The following CIB4 variants were observed in gnomAD, a reference collection of about 807,000 sequenced individuals.
CIB4 encodes the protein calcium and integrin binding family member 4, also known as calcium and integrin-binding family member 4.
A neutral mutation model predicts 25.8 loss-of-function variants in CIB4; 25 were observed. The observed-to-expected ratio is 0.97, with a 90% CI of 0.71 to 1.35. The LOEUF (loss-of-function observed/expected upper bound fraction) is 1.35, where lower values mean the gene tolerates loss of function less well. CIB4 is among the 40% of genes most tolerant of loss of function. The probability of loss-of-function intolerance (pLI) is 0.00; values close to 1 mark genes in which losing one functional copy is unlikely to be tolerated. For synonymous variants in CIB4, 75 were observed against 81.4 expected (o/e 0.92, Z 0.42); for missense variants, 235 against 228.2 (o/e 1.03, Z -0.19).
At chr2:26,626,134 T>C (rs1669298235) in intron 3 of CIB4, among the ~76,000 whole-genome samples, 1 of 152,234 alleles carries the variant, frequency 6.6e-6, no homozygotes, top group East Asian at 1.9e-4. Context: ...TTGGTTACTG[T>C]AGCCTTATAG....
chr2:26,582,361 G>A (rs893720320), intron 6 of CIB4, among the ~76,000 whole-genome samples: 4 of 152,204 alleles, frequency 2.6e-5, no homozygotes, highest in African/African-American at 9.6e-5. Context: ...GGACGTTTGG[G>A]CCTCAGAAGA....
At chr2:26,585,135 C>T (rs1668426508) in intron 4 of CIB4, among the ~76,000 whole-genome samples, 1 of 152,154 alleles carries the variant, frequency 6.6e-6, no homozygotes, top group South Asian at 2.1e-4. Flanking sequence ...TCAGGGCTGC[C>T]TAAATGGGTC....
At chr2:26,586,295 A>G (rs1250172967) in intron 4 of CIB4, among the ~76,000 whole-genome samples, 3 of 152,140 alleles carry the variant, frequency 2.0e-5, no homozygotes, top group Non-Finnish European at 2.9e-5. Flanking sequence ...GCCAGACACA[A>G]TCCTGCCTCA....
At chr2:26,588,985 T>TTCTTCTTCTTCTTCC (rs1668510214) in intron 4 of CIB4, among the ~76,000 whole-genome samples, 1 of 3,334 alleles carries the variant, frequency 3.0e-4, no homozygotes, top group African/African-American at 7.4e-4. Context: ...TTCTTTCTTC[T>TTCTTCTTCTTCTTCC]TCTTCTTCTT....
intron 3 of CIB4, among the ~76,000 whole-genome samples, chr2:26,614,359 C>T (rs1032727682): frequency 3.9e-5 from 6 of 152,172 alleles, no homozygotes; most frequent in Non-Finnish European, 5.9e-5. Flanking sequence ...CCAGGCCCAC[C>T]GGCCCCTTCC....
In CIB4 at chr2:26,620,775, C is replaced by T. The variant is rs188481297; in HGVS notation, c.186+8635G>A. On this transcript the variant is annotated intron_variant, in intron 3 of 6. Transcript: ENST00000288861. ...CCAGATATCTGAGGAAGGCTTCTGA[C>T]GCGCAAGCCAAGGACCCAAACAAAC... Among the ~76,000 whole-genome samples, 8 of 152,218 alleles carry T rather than the reference C, an allele frequency of 5.3e-5. No individual in the cohort carries two copies. In the East Asian group the frequency reaches 7.7e-4, roughly 15 times the overall value.
At chr2:26,614,269 T>C (rs1215587305) in intron 3 of CIB4, among the ~76,000 whole-genome samples, 1 of 152,210 alleles carries the variant, frequency 6.6e-6, no homozygotes. Flanking sequence ...ACCAGGACTC[T>C]TGAAAAGCTG....
chr2:26,597,469 C>T (rs1364361394), intron 3 of CIB4, among the ~76,000 whole-genome samples: 2 of 151,456 alleles, frequency 1.3e-5, no homozygotes, highest in Non-Finnish European at 2.9e-5. Context: ...CTCTGAATGG[C>T]TCTAGCTCAA....
intron 3 of CIB4, among the ~76,000 whole-genome samples, chr2:26,618,184 T>C (rs1669131805): frequency 6.6e-6 from 1 of 152,058 alleles, no homozygotes; most frequent in Non-Finnish European, 1.5e-5. Flanking sequence ...ACAGGCAGAT[T>C]CTAACACCCT....
intron 2 of CIB4, among the ~76,000 whole-genome samples, chr2:26,639,198 T>C (rs59590467): frequency 0.02 from 3,061 of 152,180 alleles, 103 homozygotes; most frequent in African/African-American, 0.071. Flanking sequence ...AATTTTCTTT[T>C]TTTTTTTTTA....
intron 4 of CIB4, among the ~76,000 whole-genome samples, chr2:26,585,421 G>C (rs920210085): frequency 1.3e-5 from 2 of 152,058 alleles, no homozygotes. Context: ...GAGCTGTGAA[G>C]GCCTTGAATG....
intron 3 of CIB4, among the ~76,000 whole-genome samples, chr2:26,613,690 A>G (rs1234100143): frequency 1.3e-5 from 2 of 152,206 alleles, no homozygotes; most frequent in East Asian, 3.9e-4. Context: ...TTTTGGTGAC[A>G]AGCCTGAAGA....
In CIB4 at chr2:26,613,279, A is replaced by T. The variant is rs184621971; in HGVS notation, c.186+16131T>A. On this transcript the variant is annotated intron_variant, in intron 3 of 6. Transcript: ENST00000288861. ...GGCCCCAAGGTCACTTTTCCCATCCACCTTAGCAGTACCCTTGGGGCCAAA... is the reference window on the plus strand; with the variant it reads ...GGCCCCAAGGTCACTTTTCCCATCCTCCTTAGCAGTACCCTTGGGGCCAAA... 5.9e-5 allele frequency among the ~76,000 whole-genome samples: 9 copies of T among 151,930 alleles called. No individual in the cohort carries two copies. The East Asian group carries it at 1.4e-3, about 23-fold the overall frequency.
chr2:26,612,931 G>C (rs563684710), intron 3 of CIB4, among the ~76,000 whole-genome samples: 1 of 125,884 alleles, frequency 7.9e-6, no homozygotes, highest in Admixed American at 7.8e-5. Context: ...GAGAAGTGAC[G>C]TCTTGGTCAC....
At chr2:26,634,781 C>T (rs1159970455) in intron 2 of CIB4, among the ~76,000 whole-genome samples, 1 of 152,216 alleles carries the variant, frequency 6.6e-6, no homozygotes, top group African/African-American at 2.4e-5. Flanking sequence ...TCCAGAGGTT[C>T]TAGGAAGAAA....
chr2:26,622,750 A>C lies in CIB4; in HGVS notation c.186+6660T>G, dbSNP rs185200338. Among the ~76,000 whole-genome samples, 196 of 152,320 alleles carry C rather than the reference A, an allele frequency of 1.3e-3. 1 individual carries two copies. The highest frequency in any genetic ancestry group is 4.7e-3 in the African/African-American group (194 of 41,578). ...GTAATCCCAGCATTTTGGGAGGCCG[A>C]GGTGGGCAGATCACTTGAGGTCAGG... On this transcript the variant is annotated intron_variant, in intron 3 of 6. Transcript: ENST00000288861.
intron 3 of CIB4, among the ~76,000 whole-genome samples, chr2:26,602,444 C>T (rs941358434): frequency 2.0e-5 from 3 of 151,858 alleles, no homozygotes; most frequent in African/African-American, 4.8e-5. Context: ...TGAACAAATA[C>T]ATAAATAAAT....
intron 1 of CIB4, among the ~76,000 whole-genome samples, chr2:26,640,993 C>T (rs1208011567): frequency 1.3e-5 from 2 of 152,214 alleles, no homozygotes; most frequent in Non-Finnish European, 2.9e-5. Flanking sequence ...CAGCCCAGGA[C>T]AGCTTTGAAT....
At chr2:26,595,466 C>T in intron 3 of CIB4, 149 bp from the exon 4 acceptor site, 1 of 862,158 alleles carries the variant, frequency 1.2e-6, no homozygotes, top group South Asian at 2.0e-5. Context: ...TGGTGGCTCA[C>T]TGAGCCAGGA....
Sources: gnomAD v4.1 joint callset for allele counts (sites outside exome capture counted in the v4.1 genomes callset) on GRCh38, gnomAD v4.1.1 for gene constraint, MANE v1.5 for transcripts, NCBI Gene and HGNC (gene_info 2026-07-23, HGNC 2026-07-21) for gene names.